The following AGBL3 variants were observed in gnomAD, a reference collection of about 807,000 sequenced individuals.
The protein encoded by AGBL3 is AGBL carboxypeptidase 3.
AGBL3 carries 68 observed loss-of-function variants against 94.5 expected under a neutral mutation model. The ratio of observed to expected loss-of-function variants is 0.72; its 90% CI spans 0.59 to 0.88. The LOEUF (loss-of-function observed/expected upper bound fraction) is 0.88. AGBL3 is among the 40% of genes least tolerant of loss of function. AGBL3 has a pLI of 0.00. For synonymous variants in AGBL3, 354 were observed against 370.7 expected, an observed-to-expected ratio of 0.95 and a Z score of 0.52; for missense variants, 934 against 1,103.8, an observed-to-expected ratio of 0.85 and a Z score of 2.18.
At chr7:135,081,648 A>G in intron 14 of AGBL3, 71 bp from the exon 15 acceptor site, 1 of 1,086,990 alleles carries the variant, frequency 9.2e-7, no homozygotes, top group Non-Finnish European at 1.3e-6. Context: ...ACTTTGAAAA[A>G]AGATGAAAAA....
chr7:135,096,841 G>A (rs988936605), intron 15 of AGBL3, among the ~76,000 whole-genome samples: 44 of 151,978 alleles, frequency 2.9e-4, no homozygotes, highest in Non-Finnish European at 4.1e-4. Flanking sequence ...AATGACTGGC[G>A]GAAGAACATA....
intron 8 of AGBL3, among the ~76,000 whole-genome samples, chr7:135,043,626 T>C (rs1476838972): frequency 6.6e-6 from 1 of 152,162 alleles, no homozygotes; most frequent in Non-Finnish European, 1.5e-5. Flanking sequence ...CTTGAGGTGA[T>C]GGATACCCCA....
At chr7:135,030,689 T>C (rs1815643354) in intron 5 of AGBL3, among the ~76,000 whole-genome samples, 1 of 152,212 alleles carries the variant, frequency 6.6e-6, no homozygotes, top group East Asian at 1.9e-4. Context: ...CTTTCTTTCA[T>C]GTTTTTTAGA....
At position 135,134,849 on chromosome 7, in the gene AGBL3, C is replaced by T. The variant is rs148526262; in HGVS notation, c.2351C>T (p.Pro784Leu). 1.9e-3 allele frequency: 2,999 copies of T among 1,549,092 alleles called. 6 individuals are homozygous for T. The highest frequency in any genetic ancestry group is 2.4e-3 in the Non-Finnish European group (2,744 of 1,145,334). Residue 784 changes from proline (P) to leucine (L), a missense_variant, in exon 17 of 17, where the codon CCG (proline) becomes CTG (leucine). This residue lies in a region of AGBL3 where 441 missense variants were observed against 518.2 expected (regional missense o/e 0.85). Transcript: ENST00000436302. ...TTTCATTTCTTTTCTAGACTAAATC[C>T]GGCTACTTGCAGAAATATAAAGAAA... ...TNFQIQHQLN[P>L]ATCRNIKKYS...
intron 12 of AGBL3, among the ~76,000 whole-genome samples, chr7:135,072,291 T>C (rs1372487696): frequency 6.6e-6 from 1 of 152,120 alleles, no homozygotes; most frequent in Non-Finnish European, 1.5e-5. Flanking sequence ...TGTGGAGAAA[T>C]AGGAACACTT....
chr7:134,998,264 C>A (rs569555861), intron 4 of AGBL3, among the ~76,000 whole-genome samples: 22 of 152,332 alleles, frequency 1.4e-4, no homozygotes, highest in African/African-American at 5.1e-4. Context: ...CAATGCCACT[C>A]AAGTTTGCAG....
chr7:135,103,393 C>G (rs573159879), intron 15 of AGBL3, among the ~76,000 whole-genome samples: 1 of 152,264 alleles, frequency 6.6e-6, no homozygotes, highest in South Asian at 2.1e-4. Flanking sequence ...TCACAACTAT[C>G]AATAATCTGT....
In AGBL3 at chr7:134,993,499, CTT is replaced by C. The variant is rs755004222; in HGVS notation, c.134_135del (p.Phe45TrpfsTer2). 95 of 1,544,610 alleles carry C rather than the reference CTT, an allele frequency of 6.2e-5. No individual in the cohort carries two copies. The South Asian group carries it at 6.8e-4, about 11-fold the overall frequency. On this transcript the variant is annotated frameshift_variant, in exon 4 of 17. Coordinates refer to ENST00000436302, the MANE Select transcript of AGBL3 (RefSeq NM_178563.4). LOFTEE classifies it high-confidence loss of function. ...GTTTGAATCTTTTTCTCAGCTGACT[CTT>C]TTGGTGATCCCTTCTTCCCCCGGAC... is the stretch of plus-strand genomic sequence containing the variant.
chr7:135,082,337 T>C (rs1277961412), intron 15 of AGBL3, among the ~76,000 whole-genome samples: 1 of 152,156 alleles, frequency 6.6e-6, no homozygotes, highest in Non-Finnish European at 1.5e-5. Context: ...ACCTTCTCTA[T>C]TTTTTAAAAA....
intron 9 of AGBL3, among the ~76,000 whole-genome samples, chr7:135,045,170 G>A (rs955817699): frequency 6.6e-6 from 1 of 151,890 alleles, no homozygotes; most frequent in African/African-American, 2.4e-5. Flanking sequence ...CTTTACATGA[G>A]TTTTTCTCAA....
intron 3 of AGBL3, among the ~76,000 whole-genome samples, chr7:134,990,810 C>T (rs1275256969): frequency 6.6e-6 from 1 of 152,170 alleles, no homozygotes; most frequent in Non-Finnish European, 1.5e-5. Context: ...AAGTTCTTGT[C>T]TGATAGTTTT....
At chr7:135,103,719 G>C (rs1223531181) in intron 15 of AGBL3, among the ~76,000 whole-genome samples, 1 of 152,116 alleles carries the variant, frequency 6.6e-6, no homozygotes, top group Non-Finnish European at 1.5e-5. Context: ...ATCTGGACAG[G>C]TATAAATAAG....
intron 4 of AGBL3, among the ~76,000 whole-genome samples, chr7:135,004,649 T>A (rs1050507468): frequency 3.3e-5 from 5 of 151,334 alleles, no homozygotes; most frequent in African/African-American, 9.7e-5. Context: ...CCTAGAAAAA[T>A]GCTTTTCATG....
intron 15 of AGBL3, among the ~76,000 whole-genome samples, chr7:135,106,142 C>T (rs1824679592): frequency 6.6e-6 from 1 of 151,986 alleles, no homozygotes; most frequent in Non-Finnish European, 1.5e-5. Context: ...TGGGCCAAGA[C>T]TGAGGTTTTC....
chr7:135,121,080 C>T (rs1827066403), intron 16 of AGBL3, among the ~76,000 whole-genome samples: 1 of 152,172 alleles, frequency 6.6e-6, no homozygotes, highest in Admixed American at 6.5e-5. Context: ...TGTCTCATAC[C>T]TGTAATCCCA....
intron 12 of AGBL3, among the ~76,000 whole-genome samples, chr7:135,062,044 A>G (rs1406593997): frequency 2.0e-5 from 3 of 151,964 alleles, no homozygotes; most frequent in Non-Finnish European, 4.4e-5. Context: ...TTCATAGAAG[A>G]CATTCCATGT....
At chr7:135,033,119 T>C in intron 6 of AGBL3, 137 bp downstream of exon 6, 1 of 966,012 alleles carries the variant, frequency 1.0e-6, no homozygotes, top group Non-Finnish European at 1.4e-6. Flanking sequence ...TTAGAAATTG[T>C]TGTGGAGGAG....
intron 12 of AGBL3, among the ~76,000 whole-genome samples, chr7:135,066,845 C>G (rs1819357519): frequency 6.6e-6 from 1 of 152,210 alleles, no homozygotes; most frequent in African/African-American, 2.4e-5. Flanking sequence ...GCATTTCCAA[C>G]TGAGGTACAG....
intron 4 of AGBL3, among the ~76,000 whole-genome samples, chr7:135,009,777 AC>A (rs1812875157): frequency 6.6e-6 from 1 of 152,118 alleles, no homozygotes; most frequent in African/African-American, 2.4e-5. Context: ...CTTCACACTC[AC>A]ATTTGGCTTT....
Sources: gnomAD v4.1 joint callset for allele counts (sites outside exome capture counted in the v4.1 genomes callset) on GRCh38, gnomAD v4.1.1 for gene constraint, gnomAD v4.1.1 regional missense constraint, MANE v1.5 for transcripts, NCBI Gene and HGNC (gene_info 2026-07-23, HGNC 2026-07-21) for gene names.